The following EDA variants were observed in gnomAD, a reference collection of about 807,000 sequenced individuals.
EDA encodes the protein ectodysplasin-A.
Under a neutral mutation model 23.6 loss-of-function variants are expected in EDA, and 2 were observed. The observed-to-expected ratio is 0.08, with a 90% CI of 0.03 to 0.27. The LOEUF is 0.27. EDA is among the 10% of genes least tolerant of loss of function. EDA has a pLI of 1.00. For missense variants in EDA, 229 were observed against 324.2 expected (o/e 0.71, Z 2.26); for synonymous variants, 131 against 132.0 (o/e 0.99, Z 0.05).
intron 2 of EDA, among the ~76,000 whole-genome samples, chrX:69,981,313 T>C (rs1338480617): frequency 1.8e-5 from 2 of 111,770 alleles, no homozygotes; most frequent in Non-Finnish European, 3.8e-5. Context: ...TCTCATACTA[T>C]AGAAACAAAC....
chrX:70,023,269 G>A lies in EDA; in HGVS notation c.526+28G>A, dbSNP rs560031432. 5 of 1,061,294 alleles carry A rather than the reference G, an allele frequency of 4.7e-6. No individual in the cohort carries two copies. In the Admixed American group the frequency reaches 9.3e-5, roughly 20 times the overall value. The allele number at this position is 1,061,294 out of a possible 1,213,427, so 87.5% of individuals were successfully genotyped here. ...AAGTTCCTGACTTTATAAAATTGCT[G>A]TCTTGTCATATATTTTCTAAAGTTA... On this transcript the variant is annotated intron_variant, in intron 3 of 7. Transcript: ENST00000374552.
At chrX:69,815,556 C>T (rs888995863) in intron 1 of EDA, among the ~76,000 whole-genome samples, 2 of 111,775 alleles carry the variant, frequency 1.8e-5, no homozygotes, top group African/African-American at 6.5e-5. Flanking sequence ...AGCACAGCTG[C>T]CTTGCCAGAT....
At chrX:69,703,952 G>A (rs150946486) in intron 1 of EDA, among the ~76,000 whole-genome samples, 1 of 112,047 alleles carries the variant, frequency 8.9e-6, no homozygotes, top group Non-Finnish European at 1.9e-5. Flanking sequence ...CTTATCATAG[G>A]TATGTATGTA....
intron 1 of EDA, among the ~76,000 whole-genome samples, chrX:69,866,144 C>T (rs1166959649): frequency 9.0e-6 from 1 of 111,490 alleles, no homozygotes; most frequent in Non-Finnish European, 1.9e-5. Flanking sequence ...CTCAAACCTT[C>T]ATTCCTGGAG....
chrX:69,697,818 G>A (rs770959023), intron 1 of EDA, among the ~76,000 whole-genome samples: 1 of 112,153 alleles, frequency 8.9e-6, no homozygotes, highest in African/African-American at 3.2e-5. Context: ...CTTTTCTGAT[G>A]TTTGAAGCAA....
chrX:69,845,060 C>A (rs1157724572), intron 1 of EDA, among the ~76,000 whole-genome samples: 1 of 112,453 alleles, frequency 8.9e-6, no homozygotes, highest in Non-Finnish European at 1.9e-5. Context: ...CATAAAATAG[C>A]GTGCAGAGTG....
chrX:69,987,388 A>G (rs2019516934), intron 2 of EDA, among the ~76,000 whole-genome samples: 1 of 109,324 alleles, frequency 9.1e-6, no homozygotes, highest in South Asian at 4.0e-4. Flanking sequence ...CATTCCTCCT[A>G]TGTCCTCCCT....
At chrX:69,754,867 C>T (rs2014043624) in intron 1 of EDA, among the ~76,000 whole-genome samples, 1 of 112,335 alleles carries the variant, frequency 8.9e-6, no homozygotes, top group African/African-American at 3.2e-5. Context: ...CTTGTGCATG[C>T]ATCATGTAGT....
At chrX:69,942,810 A>G (rs1344912395) in intron 1 of EDA, among the ~76,000 whole-genome samples, 1 of 110,970 alleles carries the variant, frequency 9.0e-6, no homozygotes, top group Non-Finnish European at 1.9e-5. Flanking sequence ...TCTCTTCTTT[A>G]AGGCAAATAA....
intron 1 of EDA, among the ~76,000 whole-genome samples, chrX:69,916,442 A>G (rs2147659931): frequency 1.2e-5 from 1 of 81,541 alleles, no homozygotes; most frequent in African/African-American, 5.2e-5. Context: ...TCACTCTGTC[A>G]CCCAGGCTGG....
At chrX:69,783,719 G>C (rs1247276446) in intron 1 of EDA, among the ~76,000 whole-genome samples, 1 of 111,313 alleles carries the variant, frequency 9.0e-6, no homozygotes, top group Non-Finnish European at 1.9e-5. Flanking sequence ...CCAAGTCTTT[G>C]TTTGCTATTG....
At chrX:69,696,195 C>T (rs945609500) in intron 1 of EDA, among the ~76,000 whole-genome samples, 1 of 108,189 alleles carries the variant, frequency 9.2e-6, no homozygotes, top group African/African-American at 3.4e-5. Flanking sequence ...GTGAAGATCG[C>T]ACCATTGCAC....
At chrX:69,757,419 CT>C (rs746446969) in intron 1 of EDA, among the ~76,000 whole-genome samples, 1,410 of 111,954 alleles carry the variant, frequency 0.013, 24 homozygotes, top group African/African-American at 0.042. Context: ...TGAAATCTCT[CT>C]TTTTTGAATA....
intron 1 of EDA, among the ~76,000 whole-genome samples, chrX:69,728,138 G>A (rs1475755488): frequency 9.1e-6 from 1 of 109,754 alleles, no homozygotes; most frequent in East Asian, 2.9e-4. Context: ...CCAGCTACTC[G>A]GGAGGCTGAC....
intron 1 of EDA, among the ~76,000 whole-genome samples, chrX:69,777,562 C>T (rs754354306): frequency 9.0e-6 from 1 of 110,990 alleles, no homozygotes; most frequent in South Asian, 3.8e-4. Context: ...CTTGTTTAAT[C>T]TCTCTGATAG....
chrX:69,916,396 CTTTTT>C (rs782071176), intron 1 of EDA, among the ~76,000 whole-genome samples: 1 of 58,146 alleles, frequency 1.7e-5, no homozygotes, highest in Non-Finnish European at 3.0e-5. Flanking sequence ...CTCTACTGTT[CTTTTT>C]TTTTTTTTTT....
intron 1 of EDA, among the ~76,000 whole-genome samples, chrX:69,877,416 A>T (rs2017662954): frequency 8.9e-6 from 1 of 112,636 alleles, no homozygotes; most frequent in Admixed American, 9.4e-5. Context: ...CCTAATAAGC[A>T]TATAGCAAAA....
intron 1 of EDA, among the ~76,000 whole-genome samples, chrX:69,749,357 G>A (rs2013735344): frequency 1.1e-5 from 1 of 88,486 alleles, no homozygotes; most frequent in Non-Finnish European, 2.2e-5. Context: ...ATTTGGGTTG[G>A]TTCCAAGTCT....
chrX:69,681,375 C>G (rs1452998292), intron 1 of EDA, among the ~76,000 whole-genome samples: 1 of 110,452 alleles, frequency 9.1e-6, no homozygotes, highest in African/African-American at 3.3e-5. Context: ...GCCTGCTTTG[C>G]TAGATTGGGG....
Sources: gnomAD v4.1 joint callset for allele counts (sites outside exome capture counted in the v4.1 genomes callset) on GRCh38, gnomAD v4.1.1 for gene constraint, MANE v1.5 for transcripts, NCBI Gene and HGNC (gene_info 2026-07-23, HGNC 2026-07-21) for gene names.